PARD3: variants seen among roughly 807,000 people sequenced by gnomAD.
PARD3 encodes par-3 family cell polarity regulator.
In PARD3, 75 loss-of-function variants were observed where a neutral mutation model predicts 155.4. That is an observed-to-expected ratio of 0.48 (90% CI 0.40 to 0.58). The LOEUF (loss-of-function observed/expected upper bound fraction) is 0.58. Ranked by LOEUF, PARD3 falls within the 20% of genes least tolerant of loss-of-function variation. PARD3 has a pLI of 0.00. For synonymous variants in PARD3, 576 were observed against 610.5 expected (o/e 0.94, Z 0.83); for missense variants, 1,642 against 1,721.7 (o/e 0.95, Z 0.82).
intron 2 of PARD3, among the ~76,000 whole-genome samples, chr10:34,629,434 C>T (rs983401495): frequency 5.9e-5 from 9 of 152,314 alleles, no homozygotes; most frequent in South Asian, 2.1e-4. Flanking sequence ...TCAATCTACA[C>T]GTGTATGTGT....
At chr10:34,371,657 A>T (rs1180844367) in intron 12 of PARD3, among the ~76,000 whole-genome samples, 3 of 151,994 alleles carry the variant, frequency 2.0e-5, no homozygotes, top group Non-Finnish European at 4.4e-5. Context: ...TCAACAATGT[A>T]AAAATTTTTG....
chr10:34,547,808 A>T (rs1043129992), intron 2 of PARD3, among the ~76,000 whole-genome samples: 5 of 152,264 alleles, frequency 3.3e-5, no homozygotes, highest in Non-Finnish European at 7.3e-5. Flanking sequence ...TGCTTAAAAA[A>T]TTTAAGCATT....
intron 3 of PARD3, among the ~76,000 whole-genome samples, chr10:34,498,777 A>C (rs1458933840): frequency 6.6e-6 from 1 of 152,224 alleles, no homozygotes; most frequent in Non-Finnish European, 1.5e-5. Flanking sequence ...ACTCTGCCTC[A>C]AAAAGAAATA....
chr10:34,455,480 TTAA>T (rs1455018931), intron 4 of PARD3, among the ~76,000 whole-genome samples: 1 of 152,062 alleles, frequency 6.6e-6, no homozygotes, highest in Non-Finnish European at 1.5e-5. Flanking sequence ...TGAAGTAAAA[TTAA>T]TAATGATGGC....
chr10:34,448,131 C>CTGCGTG (rs990952105), intron 5 of PARD3, among the ~76,000 whole-genome samples: 1 of 112,752 alleles, frequency 8.9e-6, no homozygotes, highest in Non-Finnish European at 1.8e-5. Flanking sequence ...GTGATATACA[C>CTGCGTG]TGCGTGTGTG....
chr10:34,554,927 C>G (rs187644188), intron 2 of PARD3, among the ~76,000 whole-genome samples: 72 of 152,246 alleles, frequency 4.7e-4, no homozygotes, highest in Admixed American at 1.9e-3. Flanking sequence ...ATTACTTAAT[C>G]AAGGGTAAGC....
At chr10:34,640,865 T>C (rs2092657235) in intron 2 of PARD3, among the ~76,000 whole-genome samples, 1 of 151,974 alleles carries the variant, frequency 6.6e-6, no homozygotes, top group East Asian at 1.9e-4. Context: ...TGCAGTATTG[T>C]GTTTTATGGG....
intron 1 of PARD3, among the ~76,000 whole-genome samples, chr10:34,801,105 C>G (rs1417799298): frequency 6.6e-6 from 1 of 152,208 alleles, no homozygotes; most frequent in South Asian, 2.1e-4. Flanking sequence ...TTCATCACTT[C>G]CATTAGCAAA....
Position 34,470,210 on chromosome 10 carries a change from T to G in PARD3, c.457A>C (p.Thr153Pro). The G allele has an allele frequency of 6.8e-6, 11 of 1,612,966 alleles. No homozygotes were observed. The highest frequency in any genetic ancestry group is 8.5e-6 in the Non-Finnish European group (10 of 1,179,510). The change falls in exon 4 of 25, where the codon ACT becomes CCT. Residue 153 changes from threonine to proline, a missense_variant. This residue lies in a region of PARD3 where 1,529 missense variants were observed against 1,587.3 expected (regional missense o/e 0.96). Coordinates refer to ENST00000374788, the MANE Select transcript of PARD3 (RefSeq NM_001184785.2). ...SSDPALIGLS[T>P]SVSDSNFSSE... ...GAAAAATTACTATCACTGACAGAAG[T>G]GGAGAGGCCAATTAGAGCTGGGTCA...
At chr10:34,229,661 CGTGTGTGTGTGT>C (rs57319517) in intron 22 of PARD3, among the ~76,000 whole-genome samples, 1 of 145,618 alleles carries the variant, frequency 6.9e-6, no homozygotes, top group Non-Finnish European at 1.5e-5. Context: ...GTTGAGGGTG[CGTGTGTGTGTGT>C]GTGTGTGTGT....
chr10:34,307,753 G>A lies in PARD3; in HGVS notation c.3065+9354C>T, dbSNP rs142503411. ...TGGCCACTGAAGGGGTTTGGCAATG[G>A]GCATCTGTTACACTTACTGGGCACT... On this transcript the variant is annotated intron_variant, in intron 20 of 24. Coordinates refer to ENST00000374788, the MANE Select transcript of PARD3 (RefSeq NM_001184785.2). 1.7e-3 allele frequency among the ~76,000 whole-genome samples: 256 copies of A among 152,254 alleles called. 1 individual carries two copies. The highest frequency in any genetic ancestry group is 5.5e-3 in the African/African-American group (230 of 41,544).
At chr10:34,612,454 T>G (rs2132633444) in intron 2 of PARD3, among the ~76,000 whole-genome samples, 1 of 152,140 alleles carries the variant, frequency 6.6e-6, no homozygotes, top group Non-Finnish European at 1.5e-5. Context: ...AAAGAAAAAA[T>G]AAAAAGTAGC....
chr10:34,131,015 G>A (rs1236752814), intron 23 of PARD3, among the ~76,000 whole-genome samples: 2 of 152,040 alleles, frequency 1.3e-5, no homozygotes, highest in East Asian at 1.9e-4. Context: ...AGCTATGATC[G>A]CACCACCGCA....
At chr10:34,124,637 G>T (rs1314809948) in intron 23 of PARD3, among the ~76,000 whole-genome samples, 3 of 152,140 alleles carry the variant, frequency 2.0e-5, no homozygotes, top group Non-Finnish European at 4.4e-5. Flanking sequence ...CTTGAATGTT[G>T]AAAAGCTTAA....
chr10:34,678,359 C>T (rs917935515), intron 2 of PARD3, among the ~76,000 whole-genome samples: 2 of 152,146 alleles, frequency 1.3e-5, no homozygotes, highest in Non-Finnish European at 2.9e-5. Context: ...CAAGCATATA[C>T]CACTGTGCCT....
chr10:34,611,871 G>A (rs983611976), intron 2 of PARD3, among the ~76,000 whole-genome samples: 4 of 141,598 alleles, frequency 2.8e-5, no homozygotes, highest in Non-Finnish European at 4.5e-5. Context: ...GTGCAGTGGC[G>A]CAATCTCGGT....
rs572937707 is a variant in PARD3, at chr10:34,487,416, G to A, written c.404-17153C>T. 2.6e-5 allele frequency among the ~76,000 whole-genome samples: 4 copies of A among 151,848 alleles called. No homozygotes were observed. The East Asian group carries it at 7.8e-4, about 30-fold the overall frequency. ...TACTGTATAAATAAATTAAGAAAAT[G>A]AATGACTTCCATCTTGAGATACAGG... On this transcript the variant is annotated intron_variant, in intron 3 of 24. Transcript: ENST00000374788.
chr10:34,746,200 C>A (rs1357924137), intron 1 of PARD3, among the ~76,000 whole-genome samples: 4 of 152,052 alleles, frequency 2.6e-5, no homozygotes, highest in East Asian at 3.9e-4. Flanking sequence ...GTGACTCATA[C>A]CTGTAATCTC....
At chr10:34,612,117 T>C (rs968419179) in intron 2 of PARD3, among the ~76,000 whole-genome samples, 1 of 152,058 alleles carries the variant, frequency 6.6e-6, no homozygotes, top group Non-Finnish European at 1.5e-5. Flanking sequence ...TGAGCCACCG[T>C]GCCCAGCTGT....
Sources: allele counts gnomAD v4.1 joint callset (sites outside exome capture counted in the v4.1 genomes callset), GRCh38; gene constraint gnomAD v4.1.1; regional missense constraint gnomAD v4.1.1; transcripts MANE v1.5; gene names NCBI Gene and HGNC (gene_info 2026-07-23, HGNC 2026-07-21).